Variants in ERN1 observed in about 807,000 individuals in gnomAD.
ERN1 encodes endoplasmic reticulum to nucleus signaling 1, also known as serine/threonine-protein kinase/endoribonuclease IRE1.
Under a neutral mutation model 113.1 loss-of-function variants are expected in ERN1, and 39 were observed. The observed-to-expected ratio is 0.34, with a 90% confidence interval of 0.27 to 0.45. The LOEUF (loss-of-function observed/expected upper bound fraction) is 0.45. Among genes scored for constraint, ERN1 ranks in the 20% least tolerant of loss-of-function variants. ERN1 has a pLI of 1.00. For missense variants in ERN1, 976 were observed against 1,274.8 expected (o/e 0.77, Z 3.57); for synonymous variants, 507 against 515.9 (o/e 0.98, Z 0.23).
chr17:64,108,533 C>T (rs1229528301), intron 1 of ERN1, among the ~76,000 whole-genome samples: 7 of 152,114 alleles, frequency 4.6e-5, no homozygotes, highest in Non-Finnish European at 7.4e-5. Flanking sequence ...AAGCCAAATC[C>T]CACACTTTAG....
At chr17:64,050,523 G>A (rs1315005259) in intron 17 of ERN1, among the ~76,000 whole-genome samples, 1 of 152,212 alleles carries the variant, frequency 6.6e-6, no homozygotes, top group Admixed American at 6.5e-5. Context: ...GGTTACAAGA[G>A]CTGCTGCGGC....
At position 64,077,772 on chromosome 17, in the gene ERN1, GTCTCGCTCTGT is replaced by G. The variant is rs1913641126; in HGVS notation, c.282+1879_282+1889del. 2.0e-5 allele frequency among the ~76,000 whole-genome samples: 3 copies of G among 150,294 alleles called. No homozygotes were observed. The South Asian group carries it at 6.3e-4, about 31-fold the overall frequency. ...TTCTTTTTTTTTTTTTTGAGATGGAGTCTCGCTCTGTTGCCCAGGCTGGAGTGTAGTGGCGT... is the reference window on the plus strand; with the variant it reads ...TTCTTTTTTTTTTTTTTGAGATGGAGTGCCCAGGCTGGAGTGTAGTGGCGT... On this transcript the variant is annotated intron_variant, in intron 4 of 21. Transcript: ENST00000433197.
Position 64,057,882 on chromosome 17 carries a change from T to G in ERN1, c.1318A>C (p.Met440Leu). The G allele has an allele frequency of 1.9e-6, 3 of 1,613,888 alleles. No individual in the cohort carries two copies. The highest frequency in any genetic ancestry group is 2.5e-6 in the Non-Finnish European group (3 of 1,179,840). ...PARPEAPVDS[M>L]LKDMATIILS... ...ATGATGGTAGCCATGTCCTTAAGCA[T>G]GGAGTCCACGGGGGCCTCGGGCCGG... Residue 440 changes from methionine to leucine, a missense_variant, in exon 12 of 22, where the codon ATG (methionine) becomes CTG (leucine). This residue lies in a region of ERN1 where 459 missense variants were observed against 581.2 expected (regional missense o/e 0.79). Transcript: ENST00000433197.
chr17:64,108,959 C>T (rs1319766444), intron 1 of ERN1, among the ~76,000 whole-genome samples: 2 of 152,074 alleles, frequency 1.3e-5, no homozygotes, highest in Non-Finnish European at 2.9e-5. Context: ...CCCGTCTCTA[C>T]TAAAAACACA....
intron 1 of ERN1, 38 bp downstream of exon 1, chr17:64,129,938 G>A (rs1349055897): frequency 3.6e-6 from 5 of 1,401,364 alleles, no homozygotes; most frequent in Non-Finnish European, 4.6e-6. Context: ...CCCGGCCGTC[G>A]CGAGCTGTCC....
intron 1 of ERN1, among the ~76,000 whole-genome samples, chr17:64,104,574 TTTGGGAGGCCCAGG>T (rs1159936934): frequency 6.6e-6 from 1 of 152,136 alleles, no homozygotes; most frequent in East Asian, 1.9e-4. Context: ...ATCCCAGCAC[TTTGGGAGGCCCAGG>T]CAGGTGGATC....
chr17:64,129,482 G>C (rs1308365380), intron 1 of ERN1: 4 of 238,690 alleles, frequency 1.7e-5, no homozygotes, highest in East Asian at 7.9e-5. Context: ...CAAAGTTTTC[G>C]AATTTTTAAA....
At chr17:64,072,831 G>A (rs1243853006) in intron 5 of ERN1, among the ~76,000 whole-genome samples, 4 of 152,160 alleles carry the variant, frequency 2.6e-5, no homozygotes, top group Non-Finnish European at 5.9e-5. Flanking sequence ...TCTGTAGCAA[G>A]GGCCTCCAAT....
At chr17:64,053,231 C>A in intron 16 of ERN1, 41 bp downstream of exon 16, 1 of 1,517,100 alleles carries the variant, frequency 6.6e-7, no homozygotes, top group Non-Finnish European at 8.9e-7. Flanking sequence ...CACTGATTCT[C>A]CCCACCCGGG....
chr17:64,085,549 T>C (rs1913898911), intron 2 of ERN1, among the ~76,000 whole-genome samples: 1 of 152,182 alleles, frequency 6.6e-6, no homozygotes, highest in Non-Finnish European at 1.5e-5. Context: ...GGGAATCAAA[T>C]TTCAACATGA....
At chr17:64,098,513 T>C (rs1420097838) in intron 1 of ERN1, 4 of 641,932 alleles carry the variant, frequency 6.2e-6, no homozygotes, top group South Asian at 5.5e-5. Flanking sequence ...CAACCTCCAC[T>C]GAAACAGAGG....
At chr17:64,092,567 G>A (rs1156939862) in intron 2 of ERN1, among the ~76,000 whole-genome samples, 2 of 152,104 alleles carry the variant, frequency 1.3e-5, no homozygotes, top group Admixed American at 1.3e-4. Context: ...GGCTAGGAGA[G>A]TAGTCATATT....
chr17:64,069,322 GT>G (rs1322963494), intron 6 of ERN1, among the ~76,000 whole-genome samples: 1 of 152,110 alleles, frequency 6.6e-6, no homozygotes, highest in African/African-American at 2.4e-5. Context: ...AGCCCACATA[GT>G]TTTTAAAGGA....
chr17:64,083,128 C>CG (rs1006862992), intron 2 of ERN1, among the ~76,000 whole-genome samples: 2 of 151,766 alleles, frequency 1.3e-5, no homozygotes, highest in African/African-American at 4.8e-5. Context: ...AATAATTATA[C>CG]GGGGGGCGGG....
At chr17:64,116,548 A>G (rs1335742870) in intron 1 of ERN1, among the ~76,000 whole-genome samples, 5 of 152,092 alleles carry the variant, frequency 3.3e-5, no homozygotes, top group African/African-American at 9.7e-5. Flanking sequence ...AGATTCCCCA[A>G]ATTTGTTCTT....
At chr17:64,107,737 T>C (rs959558942) in intron 1 of ERN1, among the ~76,000 whole-genome samples, 3 of 152,190 alleles carry the variant, frequency 2.0e-5, no homozygotes, top group Non-Finnish European at 4.4e-5. Context: ...GAACAGTGAG[T>C]AACAAATATT....
intron 1 of ERN1, among the ~76,000 whole-genome samples, chr17:64,114,573 C>T (rs1317137712): frequency 1.3e-5 from 2 of 152,120 alleles, no homozygotes; most frequent in African/African-American, 2.4e-5. Context: ...ATATGGGACA[C>T]GGTGAGGTTG....
chr17:64,069,867 T>TG (rs1170237962), intron 6 of ERN1, among the ~76,000 whole-genome samples: 1 of 151,054 alleles, frequency 6.6e-6, no homozygotes, highest in Non-Finnish European at 1.5e-5. Context: ...GATTGGACTT[T>TG]GGGGGTCTTT....
chr17:64,119,960 T>C (rs577138473), intron 1 of ERN1, among the ~76,000 whole-genome samples: 83 of 152,250 alleles, frequency 5.5e-4, no homozygotes, highest in African/African-American at 1.9e-3. Context: ...TCTTTCATTG[T>C]TGCCCAGTCT....
Sources: allele counts gnomAD v4.1 joint callset (sites outside exome capture counted in the v4.1 genomes callset), GRCh38; gene constraint gnomAD v4.1.1; regional missense constraint gnomAD v4.1.1; transcripts MANE v1.5; gene names NCBI Gene and HGNC (gene_info 2026-07-23, HGNC 2026-07-21).